The following ROBO2 variants were observed in gnomAD, a reference collection of about 807,000 sequenced individuals.
ROBO2 encodes the protein roundabout guidance receptor 2, also known as roundabout homolog 2.
Under a neutral mutation model 160.8 loss-of-function variants are expected in ROBO2, and 53 were observed. The observed-to-expected ratio is 0.33, with a 90% CI of 0.26 to 0.41. The LOEUF (loss-of-function observed/expected upper bound fraction) is 0.41. Ranked by LOEUF, ROBO2 falls within the 10% of genes least tolerant of loss-of-function variation. The pLI is 1.00. For missense variants in ROBO2, 1,577 were observed against 1,722.4 expected, an observed-to-expected ratio of 0.92 and a Z score of 1.49; for synonymous variants, 664 against 611.7, an observed-to-expected ratio of 1.09 and a Z score of -1.26.
At chr3:76,071,238 C>T (rs1249377878) in intron 2 of ROBO2, among the ~76,000 whole-genome samples, 5 of 152,114 alleles carry the variant, frequency 3.3e-5, no homozygotes, top group Admixed American at 3.3e-4. Context: ...GAGATCTCCT[C>T]TTTGTCAAAA....
At chr3:76,510,319 T>A (rs775791960) in intron 2 of ROBO2, among the ~76,000 whole-genome samples, 6 of 152,166 alleles carry the variant, frequency 3.9e-5, no homozygotes, top group Non-Finnish European at 8.8e-5. Flanking sequence ...GTGATGTAAG[T>A]GTGAAATGTC....
intron 2 of ROBO2, among the ~76,000 whole-genome samples, chr3:76,944,822 G>A (rs2078413350): frequency 6.6e-6 from 1 of 151,978 alleles, no homozygotes; most frequent in Admixed American, 6.6e-5. Context: ...ATTAAAGATG[G>A]CCACGTATTC....
chr3:76,177,483 A>G (rs17013911), intron 2 of ROBO2, among the ~76,000 whole-genome samples: 3,491 of 152,280 alleles, frequency 0.023, 250 homozygotes, highest in East Asian at 0.23. Context: ...GTAGCTGTCA[A>G]TGACATTTTG....
chr3:77,166,274 A>G (rs892138973), intron 2 of ROBO2, among the ~76,000 whole-genome samples: 4 of 151,930 alleles, frequency 2.6e-5, no homozygotes, highest in African/African-American at 9.7e-5. Context: ...TAAAAAAAAG[A>G]AAAAAAAGAA....
intron 2 of ROBO2, among the ~76,000 whole-genome samples, chr3:76,352,548 A>C (rs2074939786): frequency 6.6e-6 from 1 of 152,012 alleles, no homozygotes; most frequent in South Asian, 2.1e-4. Context: ...GGCAGATTTG[A>C]ATGAAAATGA....
intron 2 of ROBO2, among the ~76,000 whole-genome samples, chr3:76,073,763 A>T (rs2107979538): frequency 6.8e-6 from 1 of 146,576 alleles, no homozygotes; most frequent in Middle Eastern, 3.5e-3. Flanking sequence ...GTAGATAGAA[A>T]ATTAAGAGTC....
At chr3:77,476,269 A>C (rs73842888) in intron 2 of ROBO2, among the ~76,000 whole-genome samples, 5,876 of 152,134 alleles carry the variant, frequency 0.039, 142 homozygotes, top group Non-Finnish European at 0.042. Context: ...AGTTGGTTTG[A>C]CCTAATCCCC....
intron 2 of ROBO2, among the ~76,000 whole-genome samples, chr3:76,499,986 C>T (rs967558166): frequency 1.3e-5 from 2 of 152,038 alleles, no homozygotes; most frequent in Non-Finnish European, 2.9e-5. Context: ...ACATAAAGAC[C>T]TGGCCAAAGG....
At chr3:77,210,179 T>C (rs1416288603) in intron 2 of ROBO2, among the ~76,000 whole-genome samples, 1 of 150,038 alleles carries the variant, frequency 6.7e-6, no homozygotes, top group African/African-American at 2.5e-5. Context: ...TTCTTCATTG[T>C]GGAAAATTGA....
chr3:76,691,355 T>C (rs2092797619), intron 2 of ROBO2, among the ~76,000 whole-genome samples: 1 of 152,110 alleles, frequency 6.6e-6, no homozygotes, highest in South Asian at 2.1e-4. Context: ...TTCCACTGTT[T>C]ATAATTTACC....
intron 2 of ROBO2, among the ~76,000 whole-genome samples, chr3:77,470,838 T>C (rs1027410591): frequency 1.2e-4 from 18 of 152,176 alleles, no homozygotes; most frequent in African/African-American, 2.4e-4. Context: ...ACTGAGAAGT[T>C]TGGATGTCAT....
chr3:77,200,676 T>A (rs1337995950), intron 2 of ROBO2, among the ~76,000 whole-genome samples: 1 of 152,070 alleles, frequency 6.6e-6, no homozygotes, highest in Non-Finnish European at 1.5e-5. Flanking sequence ...TTAGTCACCA[T>A]ATGACTTTGG....
At chr3:76,409,437 C>A (rs1428458109) in intron 2 of ROBO2, among the ~76,000 whole-genome samples, 1 of 152,080 alleles carries the variant, frequency 6.6e-6, no homozygotes, top group Non-Finnish European at 1.5e-5. Flanking sequence ...TCCAAAATGG[C>A]TCCCTCATAA....
chr3:76,132,963 T>C (rs2071285418), intron 2 of ROBO2, among the ~76,000 whole-genome samples: 1 of 152,150 alleles, frequency 6.6e-6, no homozygotes. Flanking sequence ...TCTTGGCCTC[T>C]GTTCCCTCAT....
chr3:76,083,744 T>G (rs976971896), intron 2 of ROBO2, among the ~76,000 whole-genome samples: 7 of 152,194 alleles, frequency 4.6e-5, no homozygotes, highest in African/African-American at 1.7e-4. Context: ...TTTGAATGTC[T>G]TTCCTTTTAT....
chr3:76,664,874 C>T (rs6548442), intron 2 of ROBO2, among the ~76,000 whole-genome samples: 79,827 of 151,904 alleles, frequency 0.53, 21,350 homozygotes, highest in African/African-American at 0.63. Flanking sequence ...ATTGAAGAAG[C>T]CAGAGCTGAT....
intron 2 of ROBO2, among the ~76,000 whole-genome samples, chr3:76,805,618 C>T (rs142098241): frequency 1.3e-4 from 19 of 151,400 alleles, no homozygotes; most frequent in Admixed American, 9.2e-4. Flanking sequence ...ATCAGAAAAG[C>T]GATATAAAGC....
intron 2 of ROBO2, among the ~76,000 whole-genome samples, chr3:75,966,556 C>T (rs1949123278): frequency 6.6e-6 from 1 of 151,616 alleles, no homozygotes; most frequent in Non-Finnish European, 1.5e-5. Context: ...TTGAATCCTG[C>T]CTCAGCCACC....
chr3:76,552,244 A>C (rs2083464742), intron 2 of ROBO2, among the ~76,000 whole-genome samples: 1 of 152,246 alleles, frequency 6.6e-6, no homozygotes, highest in African/African-American at 2.4e-5. Context: ...TATATCAGCA[A>C]CTTGAGCATC....
Sources: allele counts gnomAD v4.1 joint callset (sites outside exome capture counted in the v4.1 genomes callset), GRCh38; gene constraint gnomAD v4.1.1; transcripts MANE v1.5; gene names NCBI Gene and HGNC (gene_info 2026-07-23, HGNC 2026-07-21).